CNTNAP4: variants seen among roughly 807,000 people sequenced by gnomAD.
CNTNAP4 encodes the protein contactin-associated protein-like 4.
A neutral mutation model predicts 148.4 loss-of-function variants in CNTNAP4; 98 were observed. The observed-to-expected ratio is 0.66, with a 90% CI of 0.56 to 0.78. The LOEUF is 0.78. Among genes scored for constraint, CNTNAP4 ranks in the 30% least tolerant of loss-of-function variants. CNTNAP4 has a pLI of 0.00. For missense variants in CNTNAP4, 1,935 were observed against 1,565.6 expected (o/e 1.24, Z -3.98); for synonymous variants, 730 against 565.1 (o/e 1.29, Z -4.14).
At chr16:76,399,613 T>A (rs1251206690) in intron 3 of CNTNAP4, among the ~76,000 whole-genome samples, 1 of 152,186 alleles carries the variant, frequency 6.6e-6, no homozygotes, top group Non-Finnish European at 1.5e-5. Flanking sequence ...GGAAAGAGAC[T>A]AATAGTAGAT....
intron 1 of CNTNAP4, among the ~76,000 whole-genome samples, chr16:76,297,482 G>A (rs541524810): frequency 3.9e-5 from 6 of 152,180 alleles, no homozygotes; most frequent in Admixed American, 1.3e-4. Flanking sequence ...TGCATGCTCC[G>A]AGTTGTGTTA....
chr16:76,468,655 T>G (rs929881301), intron 10 of CNTNAP4, among the ~76,000 whole-genome samples: 12 of 151,990 alleles, frequency 7.9e-5, no homozygotes, highest in Non-Finnish European at 1.8e-4. Flanking sequence ...TAGCTAATTT[T>G]TGTATTTTTT....
At chr16:76,464,506 A>G (rs1002077) in intron 9 of CNTNAP4, among the ~76,000 whole-genome samples, 54,935 of 152,020 alleles carry the variant, frequency 0.36, 11,083 homozygotes, top group Middle Eastern at 0.47. Context: ...CTCTATCACT[A>G]GGATCTGTGT....
In CNTNAP4 at chr16:76,448,748, A is replaced by G; in HGVS notation, c.743-19A>G. On this transcript the variant is annotated intron_variant, in intron 5 of 23. Transcript: ENST00000611870. ...TTAGACTGGCAATAATGGTGCTGTT[A>G]TTTTTCTCCTCTTCTAAGGTGAAGC... 2 of 1,534,916 alleles carry G rather than the reference A, an allele frequency of 1.3e-6. No individual in the cohort carries two copies. Among genetic ancestry groups the G allele is most frequent in the South Asian group, 1.3e-5 (1 of 78,180 alleles).
chr16:76,347,194 T>A (rs1379699694), intron 2 of CNTNAP4, among the ~76,000 whole-genome samples: 1 of 151,706 alleles, frequency 6.6e-6, no homozygotes, highest in African/African-American at 2.4e-5. Flanking sequence ...AAACTTCTGT[T>A]TGAAAACTTC....
At chr16:76,523,689 C>T (rs1247873240) in intron 17 of CNTNAP4, among the ~76,000 whole-genome samples, 1 of 152,084 alleles carries the variant, frequency 6.6e-6, no homozygotes, top group African/African-American at 2.4e-5. Context: ...CTTTTGGAGA[C>T]CAAGGTAGGA....
chr16:76,376,605 G>C (rs904267373), intron 3 of CNTNAP4, among the ~76,000 whole-genome samples: 1 of 152,186 alleles, frequency 6.6e-6, no homozygotes, highest in Non-Finnish European at 1.5e-5. Flanking sequence ...AGAGCCCAGC[G>C]TTGGCCAAAG....
At chr16:76,401,762 A>G (rs1253608222) in intron 3 of CNTNAP4, among the ~76,000 whole-genome samples, 1 of 152,112 alleles carries the variant, frequency 6.6e-6, no homozygotes, top group Admixed American at 6.6e-5. Flanking sequence ...AGGATGTTGA[A>G]TTTTATTAAA....
At chr16:76,293,920 C>G (rs947373546) in intron 1 of CNTNAP4, among the ~76,000 whole-genome samples, 1 of 150,656 alleles carries the variant, frequency 6.6e-6, no homozygotes, top group Non-Finnish European at 1.5e-5. Flanking sequence ...TTTAGCCTTT[C>G]TCTTTATGTT....
In CNTNAP4 at chr16:76,539,836, G is replaced by A. The variant is rs888028398; in HGVS notation, c.3338G>A (p.Gly1113Glu). 2.5e-6 allele frequency: 4 copies of A among 1,595,018 alleles called. No homozygotes were observed. Among genetic ancestry groups the A allele is most frequent in the African/African-American group, 2.7e-5 (2 of 73,656 alleles). Residue 1113 changes from glycine to glutamate, a missense_variant, in exon 20 of 24, where the codon GGA becomes GAA. Gly to Glu is a moderately conservative substitution (Grantham distance 98, BLOSUM62 -2). Transcript: ENST00000611870. ...LHHIMINREE[G>E]VVFIEIDDNR... ...CACATAATGATTAACAGAGAAGAAG[G>A]AGTGGTCTTTATAGAGGTAATGTAG...
chr16:76,333,362 TC>T (rs1963711769), intron 2 of CNTNAP4, among the ~76,000 whole-genome samples: 2 of 152,382 alleles, frequency 1.3e-5, no homozygotes, highest in African/African-American at 4.8e-5. Context: ...TCTGCTCAAA[TC>T]TGCTGTTGAA....
At chr16:76,399,003 A>C (rs1288611225) in intron 3 of CNTNAP4, among the ~76,000 whole-genome samples, 1 of 151,978 alleles carries the variant, frequency 6.6e-6, no homozygotes, top group African/African-American at 2.4e-5. Context: ...TGTGGTAGTG[A>C]ATAAGTCTCA....
chr16:76,529,096 T>A (rs2083864256), intron 17 of CNTNAP4, among the ~76,000 whole-genome samples: 1 of 152,232 alleles, frequency 6.6e-6, no homozygotes, highest in South Asian at 2.1e-4. Flanking sequence ...CATCTCCTCC[T>A]CTCCTCCAGA....
intron 18 of CNTNAP4, among the ~76,000 whole-genome samples, chr16:76,537,121 A>T (rs893577336): frequency 5.3e-5 from 8 of 152,206 alleles, no homozygotes; most frequent in Non-Finnish European, 1.2e-4. Context: ...GATCATTAAG[A>T]CCACTTCATT....
intron 2 of CNTNAP4, among the ~76,000 whole-genome samples, chr16:76,351,925 C>T (rs1015973926): frequency 6.6e-6 from 1 of 152,154 alleles, no homozygotes; most frequent in Non-Finnish European, 1.5e-5. Flanking sequence ...CATGGAAATG[C>T]AAGAGAAATA....
chr16:76,455,546 C>G (rs2080694569), intron 8 of CNTNAP4, among the ~76,000 whole-genome samples: 1 of 152,184 alleles, frequency 6.6e-6, no homozygotes. Flanking sequence ...ACCTGTCACC[C>G]TTTAAACTTC....
At chr16:76,514,705 A>C (rs560015334) in intron 15 of CNTNAP4, among the ~76,000 whole-genome samples, 47 of 109,998 alleles carry the variant, frequency 4.3e-4, no homozygotes, top group African/African-American at 1.2e-3. Context: ...TATTTTGCTT[A>C]TATTGATTCC....
intron 11 of CNTNAP4, among the ~76,000 whole-genome samples, chr16:76,477,722 G>A (rs1043666061): frequency 6.6e-6 from 1 of 152,124 alleles, no homozygotes; most frequent in African/African-American, 2.4e-5. Context: ...AGGACACCCA[G>A]CTAGTGGAAG....
chr16:76,357,809 C>T (rs2012884696), intron 3 of CNTNAP4, among the ~76,000 whole-genome samples: 1 of 152,028 alleles, frequency 6.6e-6, no homozygotes, highest in Admixed American at 6.6e-5. Context: ...TTTAATATAC[C>T]AGTTAGAATG....
Sources: allele counts gnomAD v4.1 joint callset (sites outside exome capture counted in the v4.1 genomes callset), GRCh38; gene constraint gnomAD v4.1.1; transcripts MANE v1.5; gene names NCBI Gene and HGNC (gene_info 2026-07-23, HGNC 2026-07-21).